NRXN1: variants seen among roughly 807,000 people sequenced by gnomAD.
NRXN1 encodes the protein neurexin 1, also known as neurexin-1.
Under a neutral mutation model 150.9 loss-of-function variants are expected in NRXN1, and 39 were observed. That is an observed-to-expected ratio of 0.26 (90% CI 0.20 to 0.34). The LOEUF is 0.34. Among genes scored for constraint, NRXN1 ranks in the 10% least tolerant of loss-of-function variants. The pLI is 1.00. For synonymous variants in NRXN1, 924 were observed against 757.0 expected (o/e 1.22, Z -3.62); for missense variants, 1,815 against 1,949.9 (o/e 0.93, Z 1.30).
At chr2:50,042,917 C>G (rs1691230937) in intron 21 of NRXN1, among the ~76,000 whole-genome samples, 1 of 151,976 alleles carries the variant, frequency 6.6e-6, no homozygotes, top group Admixed American at 6.6e-5. Flanking sequence ...TTAACACTAA[C>G]AAAGCTTTAG....
intron 21 of NRXN1, among the ~76,000 whole-genome samples, chr2:50,003,828 T>C (rs796606163): frequency 4.6e-5 from 7 of 152,160 alleles, no homozygotes; most frequent in Admixed American, 2.0e-4. Flanking sequence ...AAGGCACTGA[T>C]AGACATAAAA....
At chr2:50,722,830 C>A (rs1266618311) in intron 5 of NRXN1, among the ~76,000 whole-genome samples, 1 of 152,068 alleles carries the variant, frequency 6.6e-6, no homozygotes, top group African/African-American at 2.4e-5. Context: ...CCACAGATGG[C>A]CTCATGAGCT....
At chr2:50,334,198 T>C (rs1464524321) in intron 17 of NRXN1, among the ~76,000 whole-genome samples, 2 of 132,148 alleles carry the variant, frequency 1.5e-5, no homozygotes, top group African/African-American at 6.8e-5. Flanking sequence ...ACCAAATATA[T>C]ATATATATAT....
intron 5 of NRXN1, among the ~76,000 whole-genome samples, chr2:50,703,189 C>T (rs1287277905): frequency 6.6e-6 from 1 of 152,014 alleles, no homozygotes; most frequent in Non-Finnish European, 1.5e-5. Flanking sequence ...GTTATAAGAA[C>T]ATCTGTACCT....
intron 5 of NRXN1, among the ~76,000 whole-genome samples, chr2:50,798,918 T>C (rs963529891): frequency 1.3e-5 from 2 of 152,174 alleles, no homozygotes; most frequent in African/African-American, 4.8e-5. Context: ...TTGGCAGCAA[T>C]TGCTGAAAAG....
At chr2:50,007,439 T>C (rs1011996051) in intron 21 of NRXN1, among the ~76,000 whole-genome samples, 5 of 152,100 alleles carry the variant, frequency 3.3e-5, no homozygotes, top group African/African-American at 1.2e-4. Flanking sequence ...TGTCCATATC[T>C]TCTCATTGTT....
In NRXN1 at chr2:50,531,248, C is replaced by T. The variant is rs1167988237; in HGVS notation, c.2326G>A (p.Val776Met). The T allele has an allele frequency of 1.2e-6, 2 of 1,613,096 alleles. No individual in the cohort carries two copies. The highest frequency in any genetic ancestry group is 2.2e-5 in the East Asian group (1 of 44,860). Residue 776 changes from valine to methionine, a missense_variant, in exon 11 of 23, where the codon GTG becomes ATG. By Grantham distance (21) the Val-to-Met change is conservative. This residue lies in a region of NRXN1 where 638 missense variants were observed against 652.6 expected (regional missense o/e 0.98). Coordinates refer to ENST00000401669, the MANE Select transcript of NRXN1 (RefSeq NM_001330078.2). ...TTACCTAGATTGACCGTCAGTTTCA[C>T]ACGTCCTGCGTCTAGCTCCAGGCGG... ...TLRLELDAGRVKLTVNLDCIR... is the reference protein window; with the variant it reads ...TLRLELDAGRMKLTVNLDCIR...
At chr2:50,707,875 A>G (rs183629223) in intron 5 of NRXN1, among the ~76,000 whole-genome samples, 1 of 152,304 alleles carries the variant, frequency 6.6e-6, no homozygotes, top group East Asian at 1.9e-4. Context: ...GTATATTAAC[A>G]GTGTTTACAT....
chr2:50,230,281 C>A (rs902772081), intron 18 of NRXN1, among the ~76,000 whole-genome samples: 1 of 151,644 alleles, frequency 6.6e-6, no homozygotes, highest in Non-Finnish European at 1.5e-5. Context: ...AGAGAGATGA[C>A]AAGAAGCTCA....
At chr2:50,832,931 C>A (rs928957258) in intron 5 of NRXN1, among the ~76,000 whole-genome samples, 1 of 152,128 alleles carries the variant, frequency 6.6e-6, no homozygotes, top group African/African-American at 2.4e-5. Flanking sequence ...TGACAAAAGA[C>A]TTGAATTCAG....
chr2:49,967,598 A>G (rs542440558), intron 21 of NRXN1, among the ~76,000 whole-genome samples: 1 of 152,238 alleles, frequency 6.6e-6, no homozygotes, highest in South Asian at 2.1e-4. Flanking sequence ...TTTTCTACTT[A>G]ATCTCATCAA....
At position 50,387,546 on chromosome 2, in the gene NRXN1, C is replaced by T. The variant is rs114721978; in HGVS notation, c.3364+77896G>A. 7.3e-3 allele frequency among the ~76,000 whole-genome samples: 1,106 copies of T among 152,206 alleles called. 20 individuals are homozygous for T. The highest frequency in any genetic ancestry group is 0.025 in the African/African-American group (1,048 of 41,516). On this transcript the variant is annotated intron_variant, in intron 17 of 22. Coordinates refer to ENST00000401669, the MANE Select transcript of NRXN1 (RefSeq NM_001330078.2). ...AAATATATAACTGTTTTAACCTTTACATTTTTTATTTACTCATACCTAAAT... is the reference window on the plus strand; with the variant it reads ...AAATATATAACTGTTTTAACCTTTATATTTTTTATTTACTCATACCTAAAT...
At chr2:50,532,199 C>G (rs146140848) in intron 10 of NRXN1, among the ~76,000 whole-genome samples, 252 of 152,122 alleles carry the variant, frequency 1.7e-3, no homozygotes, top group African/African-American at 5.8e-3. Flanking sequence ...ATTAGTCAAC[C>G]TTGCCTTGGC....
At chr2:50,192,254 T>A (rs2061490379) in intron 18 of NRXN1, among the ~76,000 whole-genome samples, 1 of 152,310 alleles carries the variant, frequency 6.6e-6, no homozygotes, top group African/African-American at 2.4e-5. Flanking sequence ...GAAAATAGTA[T>A]TTTTCATAGT....
intron 5 of NRXN1, among the ~76,000 whole-genome samples, chr2:50,840,507 T>C (rs1280467470): frequency 6.6e-6 from 1 of 152,108 alleles, no homozygotes; most frequent in Non-Finnish European, 1.5e-5. Context: ...AAGTAGCTCA[T>C]GCTGAGGGCC....
chr2:50,260,374 T>A (rs1164865553), intron 17 of NRXN1, among the ~76,000 whole-genome samples: 1 of 151,886 alleles, frequency 6.6e-6, no homozygotes, highest in East Asian at 1.9e-4. Context: ...GTATAAATGG[T>A]GCCACCTTAA....
intron 16 of NRXN1, 103 bp downstream of exon 16, chr2:50,472,195 G>T: frequency 1.0e-6 from 1 of 954,458 alleles, no homozygotes; most frequent in Non-Finnish European, 1.4e-6. Context: ...GCCCAAATTG[G>T]GTATTTGACC....
intron 5 of NRXN1, among the ~76,000 whole-genome samples, chr2:50,654,167 C>T (rs1686051990): frequency 1.1e-5 from 1 of 94,366 alleles, no homozygotes; most frequent in Non-Finnish European, 2.3e-5. Context: ...TCTCCTAATG[C>T]TATCCCTCCC....
chr2:50,097,854 G>T (rs993584560), intron 18 of NRXN1, among the ~76,000 whole-genome samples: 1 of 151,994 alleles, frequency 6.6e-6, no homozygotes, highest in Non-Finnish European at 1.5e-5. Flanking sequence ...GGTCAGGCTG[G>T]TCTCGAAATC....
Sources: allele counts gnomAD v4.1 joint callset (sites outside exome capture counted in the v4.1 genomes callset), GRCh38; gene constraint gnomAD v4.1.1; regional missense constraint gnomAD v4.1.1; transcripts MANE v1.5; gene names NCBI Gene and HGNC (gene_info 2026-07-23, HGNC 2026-07-21).